ZBTB16: variants seen among roughly 807,000 people sequenced by gnomAD.
The protein encoded by ZBTB16 is zinc finger and BTB domain containing 16.
ZBTB16 carries 8 observed loss-of-function variants against 56.8 expected under a neutral mutation model. The ratio of observed to expected loss-of-function variants is 0.14; its 90% CI spans 0.08 to 0.25. ZBTB16 has a LOEUF of 0.25. Among genes scored for constraint, ZBTB16 ranks in the 10% least tolerant of loss-of-function variants. ZBTB16 has a pLI of 1.00. For synonymous variants in ZBTB16, 363 were observed against 368.5 expected (o/e 0.98, Z 0.17); for missense variants, 625 against 903.0 (o/e 0.69, Z 3.95).
chr11:114,192,914 C>G lies in ZBTB16; in HGVS notation c.1453+5876C>G, dbSNP rs559465675. ...TTGCAGCAGCAGGGAGCCAGCTGCC[C>G]TCTCAGCCAGGGGCAGGGGAGTAAG... On this transcript the variant is annotated intron_variant, in intron 4 of 6. Coordinates refer to ENST00000335953, the MANE Select transcript of ZBTB16 (RefSeq NM_006006.6). Among the ~76,000 whole-genome samples the G allele has an allele frequency of 2.6e-5, 4 of 152,358 alleles. No homozygotes were observed. The East Asian group carries it at 7.7e-4, about 29-fold the overall frequency.
chr11:114,164,390 G>T (rs549083265), intron 3 of ZBTB16, among the ~76,000 whole-genome samples: 1 of 152,120 alleles, frequency 6.6e-6, no homozygotes, highest in Non-Finnish European at 1.5e-5. Context: ...GAAATGAATG[G>T]TGCCCTAGAG....
chr11:114,156,543 G>C (rs754268555), intron 3 of ZBTB16, 109 bp downstream of exon 3: 3 of 1,030,338 alleles, frequency 2.9e-6, no homozygotes, highest in African/African-American at 1.6e-5. Flanking sequence ...CTGCCCGCTG[G>C]GGCCCTGGTC....
intron 3 of ZBTB16, 63 bp from the exon 4 acceptor site, chr11:114,186,889 C>T (rs1400344744): frequency 1.3e-6 from 2 of 1,540,260 alleles, no homozygotes; most frequent in Non-Finnish European, 1.8e-6. Flanking sequence ...AGTTGTGGCC[C>T]AGGACCTCCC....
In ZBTB16 at chr11:114,217,696, C is replaced by T. The variant is rs549580012; in HGVS notation, c.1454-24471C>T. 1.8e-4 allele frequency among the ~76,000 whole-genome samples: 27 copies of T among 152,198 alleles called. No individual in the cohort carries two copies. The South Asian group carries it at 2.5e-3, about 14-fold the overall frequency. On this transcript the variant is annotated intron_variant, in intron 4 of 6. Coordinates refer to ENST00000335953, the MANE Select transcript of ZBTB16 (RefSeq NM_006006.6). ...CTGGCTTCCTGGTGGTCACTGAGAC[C>T]GTGAGAGTAGAGTTCACCTGGACAG... is the stretch of plus-strand genomic sequence containing the variant.
In ZBTB16 at chr11:114,147,243, T is replaced by C. The variant is rs190766998; in HGVS notation, c.1269-9094T>C. Among the ~76,000 whole-genome samples, 448 of 152,368 alleles carry C rather than the reference T, an allele frequency of 2.9e-3. 2 individuals are homozygous for C. The highest frequency in any genetic ancestry group is 6.8e-3 in the Middle Eastern group (2 of 294). On this transcript the variant is annotated intron_variant, in intron 2 of 6. Transcript: ENST00000335953. ...ATTCTCAACAATCTCTGAGTTTCCATGGCTGGTCCATGGGATCTGAAGGTA... is the reference window on the plus strand; with the variant it reads ...ATTCTCAACAATCTCTGAGTTTCCACGGCTGGTCCATGGGATCTGAAGGTA...
chr11:114,105,123 A>T (rs1321647646), intron 2 of ZBTB16, among the ~76,000 whole-genome samples: 2 of 152,168 alleles, frequency 1.3e-5, no homozygotes, highest in African/African-American at 4.8e-5. Flanking sequence ...CCTCCTGTTA[A>T]CTAACCTAGT....
At chr11:114,156,817 T>C (rs1282603301) in intron 3 of ZBTB16, among the ~76,000 whole-genome samples, 1 of 152,204 alleles carries the variant, frequency 6.6e-6, no homozygotes, top group Non-Finnish European at 1.5e-5. Context: ...TATAGAAAGG[T>C]TGGAACACAA....
intron 2 of ZBTB16, among the ~76,000 whole-genome samples, chr11:114,146,410 G>A (rs1002444992): frequency 4.6e-5 from 7 of 152,144 alleles, no homozygotes; most frequent in Non-Finnish European, 1.0e-4. Context: ...ATAGGGGCAA[G>A]TAAGTCATGT....
At chr11:114,224,250 A>G (rs1435264794) in intron 4 of ZBTB16, among the ~76,000 whole-genome samples, 2 of 152,212 alleles carry the variant, frequency 1.3e-5, no homozygotes, top group Non-Finnish European at 2.9e-5. Flanking sequence ...GGGTGGATAA[A>G]TAAATGCACA....
chr11:114,170,166 G>A (rs659120), intron 3 of ZBTB16, among the ~76,000 whole-genome samples: 29,628 of 152,150 alleles, frequency 0.19, 3,907 homozygotes, highest in African/African-American at 0.37. Context: ...AATTGGATGC[G>A]GACCCAGAAG....
At chr11:114,236,109 G>T (rs1944584933) in intron 4 of ZBTB16, among the ~76,000 whole-genome samples, 2 of 152,096 alleles carry the variant, frequency 1.3e-5, no homozygotes, top group African/African-American at 4.8e-5. Flanking sequence ...GAACAGCAGA[G>T]GTGCTAATTC....
chr11:114,208,232 G>C (rs1943929142), intron 4 of ZBTB16, among the ~76,000 whole-genome samples: 1 of 152,170 alleles, frequency 6.6e-6, no homozygotes, highest in South Asian at 2.1e-4. Context: ...CCTTTCTACT[G>C]TGTTAGTTCA....
At position 114,209,941 on chromosome 11, in the gene ZBTB16, G is replaced by T. The variant is rs145941188; in HGVS notation, c.1453+22903G>T. ...TCAGGAATGCAGCCACAGGAACAAAGAAATTTCTAGCCCTGGTGCTGCTAC... is the reference window on the plus strand; with the variant it reads ...TCAGGAATGCAGCCACAGGAACAAATAAATTTCTAGCCCTGGTGCTGCTAC... On this transcript the variant is annotated intron_variant, in intron 4 of 6. Coordinates refer to ENST00000335953, the MANE Select transcript of ZBTB16 (RefSeq NM_006006.6). The T allele has an allele frequency of 5.1e-6, 5 of 985,320 alleles. No individual in the cohort carries two copies. In the South Asian group the frequency reaches 1.4e-4, roughly 28 times the overall value. 61.0% of individuals were successfully genotyped at this position (985,320 alleles called of 1,614,324 possible). A position where few individuals can be genotyped will look rare whatever the true frequency, so the allele number is the denominator to read the frequency against.
chr11:114,129,338 G>A (rs1267326755), intron 2 of ZBTB16, among the ~76,000 whole-genome samples: 1 of 152,242 alleles, frequency 6.6e-6, no homozygotes, highest in Admixed American at 6.5e-5. Context: ...AGCCACCGGA[G>A]CCGGCAGAGA....
At chr11:114,072,779 G>T (rs550928779) in intron 2 of ZBTB16, among the ~76,000 whole-genome samples, 1 of 152,140 alleles carries the variant, frequency 6.6e-6, no homozygotes, top group Non-Finnish European at 1.5e-5. Context: ...CAGGCCGGGC[G>T]CAGTGGCTCA....
At chr11:114,176,246 T>G (rs759608506) in intron 3 of ZBTB16, among the ~76,000 whole-genome samples, 2 of 152,174 alleles carry the variant, frequency 1.3e-5, no homozygotes, top group Non-Finnish European at 2.9e-5. Flanking sequence ...GGAGGGTGAT[T>G]GTTGGTGTTT....
rs528431486 is a variant in ZBTB16 at position 114,063,878 on chromosome 11, T to A, written c.578T>A (p.Leu193His). Residue 193 changes from leucine (L) to histidine (H), a missense_variant, in exon 2 of 7, where the codon CTT (leucine) becomes CAT (histidine). Physicochemically the swap from Leu to His is moderately conservative, Grantham distance 99. Around this residue, in one of 6 missense-constraint regions of ZBTB16, gnomAD observed 384 missense variants for 393.5 expected, o/e 0.98. Transcript: ENST00000335953. The surrounding 1 kb of genome is among the most constrained non-coding windows in gnomAD (Gnocchi z 6.5). ...CCTTCAGTCTCCACTTCATTTGGTC[T>A]TTCAGCCATGAGTCCCACCAAGGCT... ...QSPSVSTSFG[L>H]SAMSPTKAAV... is the part of the protein sequence containing the mutation. The A allele has an allele frequency of 6.2e-7, 1 of 1,614,108 alleles. No individual in the cohort carries two copies. Among genetic ancestry groups the A allele is most frequent in the Admixed American group, 1.7e-5 (1 of 60,014 alleles).
intron 2 of ZBTB16, among the ~76,000 whole-genome samples, chr11:114,077,581 G>T (rs1939616166): frequency 6.6e-6 from 1 of 152,088 alleles, no homozygotes; most frequent in Admixed American, 6.5e-5. Context: ...CGTTCCAGTG[G>T]GTCCGAAATC....
rs533358689 is a variant in ZBTB16, at chr11:114,212,835, G to A, written c.1453+25797G>A. On this transcript the variant is annotated intron_variant, in intron 4 of 6. Coordinates refer to ENST00000335953, the MANE Select transcript of ZBTB16 (RefSeq NM_006006.6). ...TCGCCTGCCTCGGAGCAGGCAGTCCGTGCTCACGTGTGCCGGAGGAATTGC... is the reference window on the plus strand; with the variant it reads ...TCGCCTGCCTCGGAGCAGGCAGTCCATGCTCACGTGTGCCGGAGGAATTGC... Among the ~76,000 whole-genome samples, 9 of 152,104 alleles carry A rather than the reference G, an allele frequency of 5.9e-5. No individual in the cohort carries two copies. In the East Asian group the frequency reaches 1.4e-3, roughly 23 times the overall value.
Sources: gnomAD v4.1 joint callset for allele counts (sites outside exome capture counted in the v4.1 genomes callset) on GRCh38, gnomAD v4.1.1 for gene constraint, gnomAD v4.1.1 regional missense constraint, Gnocchi (gnomAD v3.1) non-coding constraint, MANE v1.5 for transcripts, NCBI Gene and HGNC (gene_info 2026-07-23, HGNC 2026-07-21) for gene names.